Variants in PPP3CA observed in about 807,000 individuals in gnomAD.
PPP3CA encodes CAM-PRP catalytic subunit.
PPP3CA carries 14 observed loss-of-function variants against 66.5 expected under a neutral mutation model. The ratio of observed to expected loss-of-function variants is 0.21; its 90% CI spans 0.14 to 0.33. The LOEUF (loss-of-function observed/expected upper bound fraction) is 0.33, where lower values mean the gene tolerates loss of function less well. Among genes scored for constraint, PPP3CA ranks in the 10% least tolerant of loss-of-function variants. The probability of loss-of-function intolerance (pLI) is 1.00; values close to 1 mark genes in which losing one functional copy is unlikely to be tolerated. For missense variants in PPP3CA, 317 were observed against 639.5 expected (o/e 0.50, Z 5.44); for synonymous variants, 232 against 226.2 (o/e 1.03, Z -0.23).
At chr4:101,293,867 T>C (rs971022935) in intron 1 of PPP3CA, among the ~76,000 whole-genome samples, 1 of 152,214 alleles carries the variant, frequency 6.6e-6, no homozygotes, top group African/African-American at 2.4e-5. Flanking sequence ...ATTTTTTTTC[T>C]CTATCTCTCT....
At chr4:101,051,515 G>T (rs1200904013) in intron 10 of PPP3CA, among the ~76,000 whole-genome samples, 2 of 152,068 alleles carry the variant, frequency 1.3e-5, no homozygotes, top group Admixed American at 6.6e-5. Context: ...TTTTCTTTTG[G>T]TATTAGTTTT....
At chr4:101,030,473 T>TTAAAA (rs1191842507) in intron 12 of PPP3CA, among the ~76,000 whole-genome samples, 1 of 148,190 alleles carries the variant, frequency 6.7e-6, no homozygotes, top group East Asian at 2.0e-4. Context: ...TGTATGTGGT[T>TTAAAA]TAAAATATAT....
At chr4:101,330,279 T>C in intron 1 of PPP3CA, 1 of 433,560 alleles carries the variant, frequency 2.3e-6, no homozygotes, top group South Asian at 1.7e-5. Context: ...AGGACTGACT[T>C]GGTGCAATCC....
chr4:101,200,315 A>T (rs1724927914), intron 1 of PPP3CA, among the ~76,000 whole-genome samples: 1 of 152,218 alleles, frequency 6.6e-6, no homozygotes, highest in African/African-American at 2.4e-5. Context: ...ATTTGCAAAG[A>T]CATTGCATCT....
At chr4:101,267,044 A>C (rs1454691770) in intron 1 of PPP3CA, among the ~76,000 whole-genome samples, 1 of 152,196 alleles carries the variant, frequency 6.6e-6, no homozygotes, top group Non-Finnish European at 1.5e-5. Context: ...GTGAAGTCAG[A>C]CCTTATTACC....
chr4:101,085,776 C>T (rs1211460591), intron 6 of PPP3CA, among the ~76,000 whole-genome samples: 1 of 151,676 alleles, frequency 6.6e-6, no homozygotes, highest in East Asian at 1.9e-4. Context: ...CACTTTTATG[C>T]TTTTTAATGG....
intron 3 of PPP3CA, among the ~76,000 whole-genome samples, chr4:101,101,355 G>T (rs971198413): frequency 2.6e-5 from 4 of 152,110 alleles, no homozygotes; most frequent in Non-Finnish European, 5.9e-5. Flanking sequence ...ACTCAAGCTT[G>T]TCTCACATTT....
intron 11 of PPP3CA, among the ~76,000 whole-genome samples, chr4:101,033,519 C>CTAAT (rs1578390361): frequency 6.6e-6 from 1 of 152,160 alleles, no homozygotes; most frequent in Admixed American, 6.5e-5. Context: ...TCTTTTCATC[C>CTAAT]TAATTCTATA....
rs1029700857 is a variant in PPP3CA, at chr4:101,023,583, T to A, written c.*2282A>T. 69 of 152,634 alleles carry A rather than the reference T, an allele frequency of 4.5e-4. No homozygotes were observed. The highest frequency in any genetic ancestry group is 1.5e-3 in the African/African-American group (63 of 41,592). 9.5% of individuals were successfully genotyped at this position (152,634 alleles called of 1,614,324 possible). A position where few individuals can be genotyped will look rare whatever the true frequency, so the allele number is the denominator to read the frequency against. The stretch of plus-strand genomic sequence containing the variant: ...AAACACCATGATACCAGAATCACCA[T>A]TTCTTTCACATCATCACTCTAGTAA... On this transcript the variant is annotated 3_prime_UTR_variant, in exon 14 of 14. Coordinates refer to ENST00000394854, the MANE Select transcript of PPP3CA (RefSeq NM_000944.5).
chr4:101,172,698 G>A (rs144947080), intron 2 of PPP3CA, among the ~76,000 whole-genome samples: 82 of 152,122 alleles, frequency 5.4e-4, no homozygotes, highest in Non-Finnish European at 9.9e-4. Flanking sequence ...GTTTTCTAAT[G>A]CAGAGGGAAG....
At chr4:101,143,669 TC>T (rs996961458) in intron 2 of PPP3CA, among the ~76,000 whole-genome samples, 1 of 152,200 alleles carries the variant, frequency 6.6e-6, no homozygotes, top group African/African-American at 2.4e-5. Flanking sequence ...TGGCCCCACT[TC>T]CTTTGATTTT....
At chr4:101,108,858 G>C (rs1279413460) in intron 3 of PPP3CA, 96 bp downstream of exon 3, 2 of 1,184,424 alleles carry the variant, frequency 1.7e-6, no homozygotes, top group Non-Finnish European at 2.4e-6. Context: ...TTCATTGTTA[G>C]AGGTTTCCAT....
chr4:101,186,827 T>G (rs1387016883), intron 2 of PPP3CA, among the ~76,000 whole-genome samples: 1 of 152,150 alleles, frequency 6.6e-6, no homozygotes, highest in Non-Finnish European at 1.5e-5. Flanking sequence ...AAGGTGTCTA[T>G]ACTTCTAATC....
At chr4:101,311,537 T>C (rs1350880867) in intron 1 of PPP3CA, among the ~76,000 whole-genome samples, 1 of 152,138 alleles carries the variant, frequency 6.6e-6, no homozygotes, top group Non-Finnish European at 1.5e-5. Flanking sequence ...TCCAACACTT[T>C]GGGAGGCCAA....
At chr4:101,192,031 C>T (rs1027332331) in intron 2 of PPP3CA, among the ~76,000 whole-genome samples, 3 of 152,112 alleles carry the variant, frequency 2.0e-5, no homozygotes, top group Non-Finnish European at 2.9e-5. Flanking sequence ...CCTAAGCTCC[C>T]GGTCTGCTTT....
intron 1 of PPP3CA, among the ~76,000 whole-genome samples, chr4:101,304,745 C>G (rs996345120): frequency 6.6e-6 from 1 of 152,156 alleles, no homozygotes; most frequent in African/African-American, 2.4e-5. Flanking sequence ...TTTAAAACTT[C>G]TATTCAATTA....
At chr4:101,125,221 A>G (rs1722209093) in intron 2 of PPP3CA, among the ~76,000 whole-genome samples, 1 of 152,188 alleles carries the variant, frequency 6.6e-6, no homozygotes, top group African/African-American at 2.4e-5. Context: ...CCCTCATAAA[A>G]TGCAGTACAA....
At chr4:101,305,420 T>G (rs1204073576) in intron 1 of PPP3CA, among the ~76,000 whole-genome samples, 2 of 152,230 alleles carry the variant, frequency 1.3e-5, no homozygotes, top group Admixed American at 1.3e-4. Context: ...TATGGAAATG[T>G]CTTTACAGAA....
chr4:101,331,354 T>C (rs968987712), intron 1 of PPP3CA, among the ~76,000 whole-genome samples: 2 of 152,220 alleles, frequency 1.3e-5, no homozygotes, highest in African/African-American at 4.8e-5. Flanking sequence ...AGTACTTTGC[T>C]TCATTATTCT....
Sources: gnomAD v4.1 joint callset for allele counts (sites outside exome capture counted in the v4.1 genomes callset) on GRCh38, gnomAD v4.1.1 for gene constraint, MANE v1.5 for transcripts, NCBI Gene and HGNC (gene_info 2026-07-23, HGNC 2026-07-21) for gene names.